UBE2E2: variants seen among roughly 807,000 people sequenced by gnomAD.
UBE2E2 encodes ubiquitin conjugating enzyme E2 E2.
In UBE2E2, 6 loss-of-function variants were observed where a neutral mutation model predicts 24.7. That is an observed-to-expected ratio of 0.24 (90% confidence interval 0.13 to 0.48). The LOEUF (loss-of-function observed/expected upper bound fraction) is 0.48, where lower values mean the gene tolerates loss of function less well. UBE2E2 is among the 20% of genes least tolerant of loss of function. UBE2E2 has a pLI of 0.99. For synonymous variants in UBE2E2, 104 were observed against 83.6 expected (o/e 1.24, Z -1.33); for missense variants, 169 against 245.0 (o/e 0.69, Z 2.07).
At chr3:23,568,698 T>TATATACACAC (rs1559424940) in intron 5 of UBE2E2, among the ~76,000 whole-genome samples, 8,393 of 57,162 alleles carry the variant, frequency 0.15, 327 homozygotes, top group East Asian at 0.41. Flanking sequence ...TATACACACA[T>TATATACACAC]ATATATATAC....
chr3:23,476,318 A>G (rs1274427232), intron 3 of UBE2E2, among the ~76,000 whole-genome samples: 1 of 152,102 alleles, frequency 6.6e-6, no homozygotes, highest in African/African-American at 2.4e-5. Context: ...GGCATAGGAC[A>G]TTGAATGTAA....
chr3:23,529,502 C>T (rs1473990235), intron 4 of UBE2E2, among the ~76,000 whole-genome samples: 7 of 152,156 alleles, frequency 4.6e-5, no homozygotes, highest in African/African-American at 9.7e-5. Context: ...AGAGACAAAC[C>T]GTAGGCTTTT....
chr3:23,550,141 AAAAC>A (rs1466712808), intron 5 of UBE2E2, among the ~76,000 whole-genome samples: 1 of 152,216 alleles, frequency 6.6e-6, no homozygotes, highest in Non-Finnish European at 1.5e-5. Context: ...TTTCTATAAA[AAAAC>A]TAGTAGGAAG....
chr3:23,282,032 A>G (rs949640280), intron 3 of UBE2E2, among the ~76,000 whole-genome samples: 4 of 152,196 alleles, frequency 2.6e-5, no homozygotes, highest in African/African-American at 9.6e-5. Flanking sequence ...TTGGCTTTTG[A>G]AATTTGGTCA....
At chr3:23,508,734 G>A (rs906306994) in intron 4 of UBE2E2, among the ~76,000 whole-genome samples, 2 of 152,142 alleles carry the variant, frequency 1.3e-5, no homozygotes, top group Non-Finnish European at 2.9e-5. Flanking sequence ...GAATGTGACC[G>A]CACTCTAAAT....
Position 23,217,734 on chromosome 3 carries a change from A to G in UBE2E2, c.227+422A>G, listed in dbSNP as rs564918721. Among the ~76,000 whole-genome samples the G allele has an allele frequency of 2.8e-3, 423 of 152,166 alleles. 12 individuals are homozygous for G. The highest frequency in any genetic ancestry group is 3.8e-4 in the Non-Finnish European group (26 of 67,964). The stretch of plus-strand genomic sequence containing the variant: ...CAGACACATTAAACAGTGTTTCTTC[A>G]TGGTTTACATTATTTCTTGTCGTCA... On this transcript the variant is annotated intron_variant, in intron 3 of 5. Coordinates refer to ENST00000396703, the MANE Select transcript of UBE2E2 (RefSeq NM_152653.4).
intron 4 of UBE2E2, among the ~76,000 whole-genome samples, chr3:23,501,523 A>AG (rs1285129314): frequency 6.6e-6 from 1 of 152,196 alleles, no homozygotes; most frequent in African/African-American, 2.4e-5. Flanking sequence ...GTCTGACTCC[A>AG]GGGGCCATGT....
intron 5 of UBE2E2, among the ~76,000 whole-genome samples, chr3:23,568,887 A>G (rs73045660): frequency 0.26 from 40,063 of 151,622 alleles, 5,875 homozygotes; most frequent in African/African-American, 0.38. Context: ...GCTAGTGGGA[A>G]TGTAAAATGG....
intron 3 of UBE2E2, among the ~76,000 whole-genome samples, chr3:23,276,458 CCTT>C (rs1214164978): frequency 8.5e-5 from 13 of 152,220 alleles, no homozygotes; most frequent in Admixed American, 2.6e-4. Flanking sequence ...CTTTCATTTA[CCTT>C]CTTTGAATCC....
At chr3:23,502,444 A>T (rs1448857585) in intron 4 of UBE2E2, among the ~76,000 whole-genome samples, 2 of 151,940 alleles carry the variant, frequency 1.3e-5, no homozygotes, top group African/African-American at 4.8e-5. Context: ...TCATGAGATA[A>T]TTTTTTCCAA....
intron 3 of UBE2E2, among the ~76,000 whole-genome samples, chr3:23,348,729 G>A (rs560728218): frequency 6.6e-6 from 1 of 152,192 alleles, no homozygotes; most frequent in South Asian, 2.1e-4. Flanking sequence ...TTATCTTAGA[G>A]GTGAAACAAA....
intron 3 of UBE2E2, among the ~76,000 whole-genome samples, chr3:23,259,346 G>C: frequency 6.6e-6 from 1 of 152,250 alleles, no homozygotes; most frequent in East Asian, 1.9e-4. Context: ...GCATGGTTTG[G>C]CAAGAGGTTA....
At chr3:23,238,907 A>G (rs1697186211) in intron 3 of UBE2E2, among the ~76,000 whole-genome samples, 1 of 152,130 alleles carries the variant, frequency 6.6e-6, no homozygotes, top group Admixed American at 6.6e-5. Flanking sequence ...AGCATTTCAG[A>G]TTTCAGCTTT....
intron 4 of UBE2E2, among the ~76,000 whole-genome samples, chr3:23,518,264 T>A (rs913188817): frequency 1.3e-5 from 2 of 152,108 alleles, no homozygotes; most frequent in African/African-American, 2.4e-5. Context: ...AGATTAGATA[T>A]GGACAAGTGG....
intron 3 of UBE2E2, among the ~76,000 whole-genome samples, chr3:23,498,896 C>CA (rs1223176228): frequency 6.6e-6 from 1 of 152,152 alleles, no homozygotes; most frequent in East Asian, 1.9e-4. Context: ...CTCTGAAACT[C>CA]AGAGACATGT....
intron 3 of UBE2E2, among the ~76,000 whole-genome samples, chr3:23,351,815 G>A (rs150290341): frequency 0.071 from 10,750 of 152,136 alleles, 505 homozygotes; most frequent in Non-Finnish European, 0.088. Flanking sequence ...GTCAACATTA[G>A]ACAGATCAAC....
intron 3 of UBE2E2, among the ~76,000 whole-genome samples, chr3:23,230,644 G>A (rs1226516903): frequency 1.3e-5 from 2 of 151,948 alleles, no homozygotes; most frequent in Non-Finnish European, 1.5e-5. Flanking sequence ...AAATTAGCCC[G>A]GCTTGGTGGT....
intron 3 of UBE2E2, among the ~76,000 whole-genome samples, chr3:23,283,408 C>T (rs1698530822): frequency 6.6e-6 from 1 of 152,118 alleles, no homozygotes; most frequent in Non-Finnish European, 1.5e-5. Flanking sequence ...AATGCCATAT[C>T]ATACACGTAT....
intron 5 of UBE2E2, among the ~76,000 whole-genome samples, chr3:23,570,325 G>A (rs903354883): frequency 3.3e-5 from 5 of 151,992 alleles, no homozygotes; most frequent in Admixed American, 2.0e-4. Flanking sequence ...CTTCACATTG[G>A]GTAACTGGGA....
Sources: allele counts gnomAD v4.1 joint callset (sites outside exome capture counted in the v4.1 genomes callset), GRCh38; gene constraint gnomAD v4.1.1; transcripts MANE v1.5; gene names NCBI Gene and HGNC (gene_info 2026-07-23, HGNC 2026-07-21).